The following PACRG variants were observed in gnomAD, a reference collection of about 807,000 sequenced individuals.
PACRG encodes the protein parkin coregulated gene protein.
Under a neutral mutation model 29.7 loss-of-function variants are expected in PACRG, and 29 were observed. That is an observed-to-expected ratio of 0.98 (90% CI 0.73 to 1.33). The LOEUF (loss-of-function observed/expected upper bound fraction) is 1.33, where lower values mean the gene tolerates loss of function less well. PACRG is among the 40% of genes most tolerant of loss of function. The pLI, the probability that PACRG is intolerant of heterozygous loss-of-function variation, is 0.00. For missense variants in PACRG, 279 were observed against 316.2 expected (o/e 0.88, Z 0.89); for synonymous variants, 116 against 118.7 (o/e 0.98, Z 0.15).
At chr6:163,269,987 GAAAGAAAGAAAGAAAGAAA>G (rs1562350506) in intron 4 of PACRG, among the ~76,000 whole-genome samples, 2 of 101,942 alleles carry the variant, frequency 2.0e-5, no homozygotes, top group African/African-American at 3.8e-5. Flanking sequence ...AAGAAAGAAA[GAAAGAAAGAAAGAAAGAAA>G]GGAGGGAGGG....
chr6:163,100,557 C>A (rs73786962), intron 4 of PACRG, among the ~76,000 whole-genome samples: 1 of 152,152 alleles, frequency 6.6e-6, no homozygotes, highest in Admixed American at 6.5e-5. Context: ...CCCCGCGACT[C>A]TTTAAGCAGT....
At chr6:163,128,996 A>G (rs777571171) in intron 4 of PACRG, among the ~76,000 whole-genome samples, 4 of 152,240 alleles carry the variant, frequency 2.6e-5, no homozygotes, top group Non-Finnish European at 5.9e-5. Context: ...AGAATTCTCA[A>G]TATTTTAAAA....
At chr6:163,301,630 T>C (rs1424875496) in intron 4 of PACRG, among the ~76,000 whole-genome samples, 1 of 152,168 alleles carries the variant, frequency 6.6e-6, no homozygotes, top group Admixed American at 6.5e-5. Flanking sequence ...AGTAAACTCA[T>C]TTTATTAAAC....
At chr6:163,236,369 G>A (rs1782238279) in intron 4 of PACRG, among the ~76,000 whole-genome samples, 1 of 152,142 alleles carries the variant, frequency 6.6e-6, no homozygotes, top group South Asian at 2.1e-4. Flanking sequence ...CTTATGCTTT[G>A]CTAGCTTCTT....
intron 2 of PACRG, among the ~76,000 whole-genome samples, chr6:162,824,229 A>G (rs748283378): frequency 8.5e-5 from 13 of 152,146 alleles, no homozygotes; most frequent in Non-Finnish European, 1.9e-4. Flanking sequence ...TTGTCTTGAA[A>G]GGCAACTACT....
Position 162,728,292 on chromosome 6 carries a change from G to A in PACRG, c.57G>A (p.Lys19=), listed in dbSNP as rs755686512. ...ACAAATGCCCAGACAAGATGCCGAAGAGGACCAAGCTGCTGGCACAACAGC... is the reference window on the plus strand; with the variant it reads ...ACAAATGCCCAGACAAGATGCCGAAAAGGACCAAGCTGCTGGCACAACAGC... ...SLNKCPDKMP[K]RTKLLAQQPL... is the part of the protein sequence containing the mutation. The change falls in exon 1 of 5, where the codon AAG becomes AAA. Residue 19 remains lysine (K), a synonymous_variant. Transcript: ENST00000366888. The A allele has an allele frequency of 2.5e-5, 41 of 1,613,892 alleles. No individual in the cohort carries two copies. The Admixed American group carries it at 4.8e-4, about 19-fold the overall frequency.
intron 4 of PACRG, among the ~76,000 whole-genome samples, chr6:163,159,894 C>T (rs1778483983): frequency 6.6e-6 from 1 of 152,212 alleles, no homozygotes; most frequent in Admixed American, 6.5e-5. Context: ...CGCCTCCACC[C>T]CCGTGACTTC....
At chr6:162,958,866 TATATATATATATATATATAGAGAGAG>T (rs1441266431) in intron 2 of PACRG, among the ~76,000 whole-genome samples, 37 of 71,486 alleles carry the variant, frequency 5.2e-4, no homozygotes, top group East Asian at 1.3e-3. Flanking sequence ...TATATATATA[TATATATATATATATATATAGAGAGAG>T]AGAGAGAGAG....
intron 2 of PACRG, among the ~76,000 whole-genome samples, chr6:163,008,959 T>C (rs182222324): frequency 4.6e-4 from 70 of 152,292 alleles, no homozygotes; most frequent in African/African-American, 1.4e-3. Context: ...AGCTGGTTTC[T>C]GTTTCTTTAT....
At chr6:162,876,203 A>G (rs1335656645) in intron 2 of PACRG, among the ~76,000 whole-genome samples, 1 of 152,092 alleles carries the variant, frequency 6.6e-6, no homozygotes, top group African/African-American at 2.4e-5. Flanking sequence ...ACCTCATTGT[A>G]GGTGGATTTG....
At chr6:162,818,360 A>G (rs1393028567) in intron 2 of PACRG, among the ~76,000 whole-genome samples, 2 of 152,174 alleles carry the variant, frequency 1.3e-5, no homozygotes, top group Admixed American at 6.5e-5. Context: ...CTGTAATATA[A>G]ATCGCACACT....
chr6:163,156,468 T>G (rs937532999), intron 4 of PACRG, among the ~76,000 whole-genome samples: 2 of 152,086 alleles, frequency 1.3e-5, no homozygotes, highest in African/African-American at 4.8e-5. Flanking sequence ...GCGGTCTCCC[T>G]ACGACCGCCA....
At chr6:163,039,246 T>C (rs947314296) in intron 2 of PACRG, among the ~76,000 whole-genome samples, 9 of 152,206 alleles carry the variant, frequency 5.9e-5, no homozygotes, top group African/African-American at 1.7e-4. Flanking sequence ...TCCACCATGA[T>C]TGTAAGTTTC....
At chr6:163,098,502 C>T (rs1814802767) in intron 4 of PACRG, among the ~76,000 whole-genome samples, 1 of 152,192 alleles carries the variant, frequency 6.6e-6, no homozygotes, top group South Asian at 2.1e-4. Flanking sequence ...TCTTGTGTCC[C>T]TCCTCACCAG....
chr6:162,828,010 C>A (rs897262733), intron 2 of PACRG, among the ~76,000 whole-genome samples: 5 of 152,132 alleles, frequency 3.3e-5, no homozygotes, highest in African/African-American at 1.2e-4. Context: ...GGTTATTTAA[C>A]TTTGACCTGC....
At chr6:162,976,847 A>G (rs1282451084) in intron 2 of PACRG, among the ~76,000 whole-genome samples, 1 of 152,298 alleles carries the variant, frequency 6.6e-6, no homozygotes, top group South Asian at 2.1e-4. Flanking sequence ...TCTAAATTCT[A>G]AATACTATTA....
At chr6:162,920,076 G>A (rs1243551329) in intron 2 of PACRG, among the ~76,000 whole-genome samples, 2 of 151,864 alleles carry the variant, frequency 1.3e-5, no homozygotes, top group Non-Finnish European at 2.9e-5. Flanking sequence ...TCATCATTCC[G>A]CTTGCCAAGC....
intron 2 of PACRG, among the ~76,000 whole-genome samples, chr6:162,873,242 T>C (rs1286858915): frequency 6.6e-6 from 1 of 152,020 alleles, no homozygotes; most frequent in African/African-American, 2.4e-5. Flanking sequence ...GTAACTGGGG[T>C]ACGTTTCTGG....
chr6:162,860,483 G>A (rs997898338), intron 2 of PACRG, among the ~76,000 whole-genome samples: 3 of 152,152 alleles, frequency 2.0e-5, no homozygotes, highest in East Asian at 1.9e-4. Context: ...AGTCCCACTC[G>A]CCATGTTGAA....
Sources: allele counts gnomAD v4.1 joint callset (sites outside exome capture counted in the v4.1 genomes callset), GRCh38; gene constraint gnomAD v4.1.1; transcripts MANE v1.5; gene names NCBI Gene and HGNC (gene_info 2026-07-23, HGNC 2026-07-21).